The following ARSI variants were observed in gnomAD, a reference collection of about 807,000 sequenced individuals.
ARSI encodes arylsulfatase family member I.
Under a neutral mutation model 42.1 loss-of-function variants are expected in ARSI, and 37 were observed. That is an observed-to-expected ratio of 0.88 (90% CI 0.68 to 1.16). The LOEUF (loss-of-function observed/expected upper bound fraction) is 1.16. ARSI is among the 50% of genes most tolerant of loss of function. The pLI, the probability that ARSI is intolerant of heterozygous loss-of-function variation, is 0.00. For missense variants in ARSI, 725 were observed against 790.1 expected, an observed-to-expected ratio of 0.92 and a Z score of 0.99; for synonymous variants, 305 against 320.3, an observed-to-expected ratio of 0.95 and a Z score of 0.51.
At position 150,297,586 on chromosome 5, in the gene ARSI, C is replaced by A. The variant is rs570157787; in HGVS notation, c.1338G>T (p.Pro446=). The stretch of plus-strand genomic sequence containing the variant: ...TTCGTTCCAGGTTCCACCAGCTACC[C>A]GGGAAGGTGGCCAGTGTCTGCGGTG... ...WIPPQTLATF[P]GSWWNLERMA... is the part of the protein sequence containing the mutation. The change falls in exon 2 of 2, where the codon CCG becomes CCT. Residue 446 remains proline, a synonymous_variant. Coordinates refer to ENST00000328668, the MANE Select transcript of ARSI (RefSeq NM_001012301.4). The surrounding 1 kb of genome is among the most constrained non-coding windows in gnomAD (Gnocchi z 7.0). 1.2e-6 allele frequency: 2 copies of A among 1,610,056 alleles called. No homozygotes were observed. The highest frequency in any genetic ancestry group is 1.7e-6 in the Non-Finnish European group (2 of 1,178,536).
In ARSI at chr5:150,297,505, T is replaced by C. The variant is rs1171364166; in HGVS notation, c.1419A>G (p.Glu473=). The change falls in exon 2 of 2, where the codon GAA becomes GAG. Residue 473 remains glutamate, a synonymous_variant. Transcript: ENST00000328668. This position sits in a 1 kb window ranked among gnomAD's most constrained non-coding sequence, Gnocchi z 7.0. ...GCCGCTGGCCAGCCAGGTCCTCCCG[T>C]TCATAAGGGTCAGCACTGATGTTGA... is the stretch of plus-strand genomic sequence containing the variant. ...WLFNISADPY[E]REDLAGQRPD... 6.2e-7 allele frequency: 1 copy of C among 1,613,646 alleles called. No individual in the cohort carries two copies. The highest frequency in any genetic ancestry group is 8.5e-7 in the Non-Finnish European group (1 of 1,179,894).
chr5:150,300,499 A>G (rs1757900981), intron 1 of ARSI, among the ~76,000 whole-genome samples: 1 of 152,234 alleles, frequency 6.6e-6, no homozygotes, highest in African/African-American at 2.4e-5. Context: ...GCCGGTCTTC[A>G]TAGAGGTGGG....
chr5:150,297,845 C>T lies in ARSI; in HGVS notation c.1079G>A (p.Gly360Asp), dbSNP rs746808275. 1 of 1,610,722 alleles carries T rather than the reference C, an allele frequency of 6.2e-7. No homozygotes were observed. Among genetic ancestry groups the T allele is most frequent in the Non-Finnish European group, 8.5e-7 (1 of 1,178,660 alleles). Residue 360 changes from glycine (G) to aspartate (D), a missense_variant, in exon 2 of 2, where the codon GGT becomes GAT. Gly to Asp is a moderately conservative substitution (Grantham distance 94). Coordinates refer to ENST00000328668, the MANE Select transcript of ARSI (RefSeq NM_001012301.4). The surrounding 1 kb of genome is among the most constrained non-coding windows in gnomAD (Gnocchi z 7.0). The stretch of plus-strand genomic sequence containing the variant: ...TAGCCCATCGGCTGCTGAGGTGGTA[C>T]CACCTGCCAGACCCACCAGGGTCGG... ...WYPTLVGLAG[G>D]TTSAADGLDG...
rs1228806380 is a variant in ARSI at position 150,298,616 on chromosome 5, G to A, written c.312-4C>T. The A allele has an allele frequency of 6.3e-7, 1 of 1,597,784 alleles. No individual in the cohort carries two copies. Among genetic ancestry groups the A allele is most frequent in the Admixed American group, 1.7e-5 (1 of 59,392 alleles). ...GAGTCCTGTGTGGATCTGGTACCTGGTGGGGAGGAGGGGAAGGCACAGAAG... is the reference window on the plus strand; with the variant it reads ...GAGTCCTGTGTGGATCTGGTACCTGATGGGGAGGAGGGGAAGGCACAGAAG... On this transcript the variant is annotated splice_region_variant and splice_polypyrimidine_tract_variant and intron_variant, in intron 1 of 1. Coordinates refer to ENST00000328668, the MANE Select transcript of ARSI (RefSeq NM_001012301.4).
rs1757815994 is a variant in ARSI, at chr5:150,297,160, G to A, written c.*54C>T. 3 of 1,518,600 alleles carry A rather than the reference G, an allele frequency of 2.0e-6. No individual in the cohort carries two copies. The highest frequency in any genetic ancestry group is 2.6e-5 in the South Asian group (2 of 75,732). 94.1% of individuals were successfully genotyped at this position (1,518,600 alleles called of 1,614,324 possible). On this transcript the variant is annotated 3_prime_UTR_variant, in exon 2 of 2. Transcript: ENST00000328668. The surrounding 1 kb of genome is among the most constrained non-coding windows in gnomAD (Gnocchi z 7.0). ...AGGCTTCTCCCTGAGAAACAGCAGGGCCAAGCCGGAGTGGGGAAGATCCTC... is the reference window on the plus strand; with the variant it reads ...AGGCTTCTCCCTGAGAAACAGCAGGACCAAGCCGGAGTGGGGAAGATCCTC...
chr5:150,297,660 C>G lies in ARSI; in HGVS notation c.1264G>C (p.Gly422Arg). ...NTAVQAAIRV[G>R]EWKLLTGDPG... ...TCTCCTGTCAGCAGCTTCCACTCAC[C>G]CACGCGGATGGCAGCCTGCACGGCG... The change falls in exon 2 of 2, where the codon GGT becomes CGT. Residue 422 changes from glycine (G) to arginine (R), a missense_variant. By Grantham distance (125) the Gly-to-Arg change is moderately radical. Coordinates refer to ENST00000328668, the MANE Select transcript of ARSI (RefSeq NM_001012301.4). This position sits in a 1 kb window ranked among gnomAD's most constrained non-coding sequence, Gnocchi z 7.0. The G allele has an allele frequency of 1.2e-6, 2 of 1,613,324 alleles. No individual in the cohort carries two copies. The highest frequency in any genetic ancestry group is 1.7e-6 in the Non-Finnish European group (2 of 1,179,974).
chr5:150,299,586 C>G (rs374594135), intron 1 of ARSI, among the ~76,000 whole-genome samples: 1 of 151,316 alleles, frequency 6.6e-6, no homozygotes, highest in South Asian at 2.1e-4. Context: ...GACCTAAGGT[C>G]TTTTTAAGGG....
At chr5:150,300,781 T>C (rs2150321500) in intron 1 of ARSI, among the ~76,000 whole-genome samples, 1 of 152,342 alleles carries the variant, frequency 6.6e-6, no homozygotes, top group South Asian at 2.1e-4. Flanking sequence ...ATTCCGCTAC[T>C]TAAACCAAAA....
At chr5:150,299,930 C>T (rs1450122840) in intron 1 of ARSI, among the ~76,000 whole-genome samples, 1 of 152,104 alleles carries the variant, frequency 6.6e-6, no homozygotes, top group Non-Finnish European at 1.5e-5. Flanking sequence ...TCCCATCTTC[C>T]CCCTTCTGTG....
In ARSI at chr5:150,302,418, C is replaced by T; in HGVS notation, c.-45G>A. On this transcript the variant is annotated 5_prime_UTR_variant, in exon 1 of 2. Coordinates refer to ENST00000328668, the MANE Select transcript of ARSI (RefSeq NM_001012301.4). This position sits in a 1 kb window ranked among gnomAD's most constrained non-coding sequence, Gnocchi z 6.1. ...TCCCGGCGCGCCGGGCTCCTGGGGC[C>T]TCACCACCTCGCGCGCCCAGGGCGC... 6 of 1,362,966 alleles carry T rather than the reference C, an allele frequency of 4.4e-6. No individual in the cohort carries two copies. Among genetic ancestry groups the T allele is most frequent in the Non-Finnish European group, 4.7e-6 (5 of 1,055,882 alleles). The allele number at this position is 1,362,966 out of a possible 1,614,324, so 84.4% of individuals were successfully genotyped here. A position where few individuals can be genotyped will look rare whatever the true frequency, so the allele number is the denominator to read the frequency against.
rs746401123 is a variant in ARSI at position 150,302,277 on chromosome 5, C to A, written c.97G>T (p.Gly33Trp). ...GCCGAGGGCTGCTCGCCAGCCTCCC[C>A]GGGCCCGTCGGCCACGAAGCTCGGC... is the stretch of plus-strand genomic sequence containing the variant. ...AKPSFVADGPGEAGEQPSAAP... is the reference protein window; with the variant it reads ...AKPSFVADGPWEAGEQPSAAP... Residue 33 changes from glycine to tryptophan, a missense_variant, in exon 1 of 2, where the codon GGG becomes TGG. By Grantham distance (184) the Gly-to-Trp change is radical. Coordinates refer to ENST00000328668, the MANE Select transcript of ARSI (RefSeq NM_001012301.4). The surrounding 1 kb of genome is among the most constrained non-coding windows in gnomAD (Gnocchi z 6.1). 1.2e-6 allele frequency: 2 copies of A among 1,605,208 alleles called. No individual in the cohort carries two copies. The highest frequency in any genetic ancestry group is 1.1e-5 in the South Asian group (1 of 89,830).
rs746414803 is a variant in ARSI at position 150,297,964 on chromosome 5, T to C, written c.960A>G (p.Glu320=). 1.9e-6 allele frequency: 3 copies of C among 1,612,224 alleles called. No homozygotes were observed. The highest frequency in any genetic ancestry group is 2.5e-6 in the Non-Finnish European group (3 of 1,179,468). The change falls in exon 2 of 2, where the codon GAA becomes GAG. Residue 320 remains glutamate (E), a synonymous_variant. Coordinates refer to ENST00000328668, the MANE Select transcript of ARSI (RefSeq NM_001012301.4). The surrounding 1 kb of genome is among the most constrained non-coding windows in gnomAD (Gnocchi z 7.0). Reference sequence around the variant, plus strand: ...CAAAGCCTAGGCCCCGCACGCCACCTTCCCAATAAGTGCCCTTGCGTCCTC... The same window carrying C: ...CAAAGCCTAGGCCCCGCACGCCACCCTCCCAATAAGTGCCCTTGCGTCCTC... The part of the protein sequence containing the change: ...PLRGRKGTYW[E]GGVRGLGFVH...
intron 1 of ARSI, 70 bp downstream of exon 1, chr5:150,301,992 CA>C: frequency 6.9e-7 from 1 of 1,452,552 alleles, no homozygotes. Flanking sequence ...GTGGTACTGG[CA>C]GGAGAAATCT....
chr5:150,302,437 A>G lies in ARSI; in HGVS notation c.-64T>C. 1 of 1,274,076 alleles carries G rather than the reference A, an allele frequency of 7.8e-7. No homozygotes were observed. Among genetic ancestry groups the G allele is most frequent in the Non-Finnish European group, 1.0e-6 (1 of 983,856 alleles). 78.9% of individuals were successfully genotyped at this position (1,274,076 alleles called of 1,614,324 possible). A position where few individuals can be genotyped will look rare whatever the true frequency, so the allele number is the denominator to read the frequency against. On this transcript the variant is annotated 5_prime_UTR_variant, in exon 1 of 2. Transcript: ENST00000328668. This position sits in a 1 kb window ranked among gnomAD's most constrained non-coding sequence, Gnocchi z 6.1. ...TGGGGCCTCACCACCTCGCGCGCCC[A>G]GGGCGCACCACCGGCCCGCCGGCTC...
chr5:150,297,557 G>A lies in ARSI; in HGVS notation c.1367C>T (p.Ala456Val), dbSNP rs865945327. 1 of 1,612,208 alleles carries A rather than the reference G, an allele frequency of 6.2e-7. No homozygotes were observed. Among genetic ancestry groups the A allele is most frequent in the Non-Finnish European group, 8.5e-7 (1 of 1,179,512 alleles). The change falls in exon 2 of 2, where the codon GCC becomes GTC. Residue 456 changes from alanine to valine, a missense_variant. Physicochemically the swap from Ala to Val is moderately conservative, Grantham distance 64 (BLOSUM62 0). Transcript: ENST00000328668. The surrounding 1 kb of genome is among the most constrained non-coding windows in gnomAD (Gnocchi z 7.0). The stretch of plus-strand genomic sequence containing the variant: ...GAGCCACACGGCCTGGCGGACACTG[G>A]CCATTCGTTCCAGGTTCCACCAGCT... ...PGSWWNLERM[A>V]SVRQAVWLFN...
At position 150,297,926 on chromosome 5, in the gene ARSI, A is replaced by C. The variant is rs1313944295; in HGVS notation, c.998T>G (p.Leu333Arg). ...GCTTGTCCGTTGCTTTCGCTTGAGC[A>C]GGGGACTGTGGACAAAGCCTAGGCC... ...VRGLGFVHSP[L>R]LKRKQRTSRA... is the part of the protein sequence containing the mutation. Residue 333 changes from leucine to arginine, a missense_variant, in exon 2 of 2, where the codon CTG (leucine) becomes CGG (arginine). Coordinates refer to ENST00000328668, the MANE Select transcript of ARSI (RefSeq NM_001012301.4). This position sits in a 1 kb window ranked among gnomAD's most constrained non-coding sequence, Gnocchi z 7.0. 6.2e-7 allele frequency: 1 copy of C among 1,611,480 alleles called. No individual in the cohort carries two copies. Among genetic ancestry groups the C allele is most frequent in the Non-Finnish European group, 8.5e-7 (1 of 1,178,962 alleles).
chr5:150,297,959 C>T lies in ARSI; in HGVS notation c.965G>A (p.Gly322Asp). The T allele has an allele frequency of 6.2e-7, 1 of 1,611,834 alleles. No homozygotes were observed. Among genetic ancestry groups the T allele is most frequent in the Non-Finnish European group, 8.5e-7 (1 of 1,179,222 alleles). The part of the protein sequence containing the change: ...RGRKGTYWEG[G>D]VRGLGFVHSP... ...GTGGACAAAGCCTAGGCCCCGCACG[C>T]CACCTTCCCAATAAGTGCCCTTGCG... The change falls in exon 2 of 2, where the codon GGC (glycine) becomes GAC (aspartate). Residue 322 changes from glycine (G) to aspartate (D), a missense_variant. Physicochemically the swap from Gly to Asp is moderately conservative, Grantham distance 94 (BLOSUM62 -1). Transcript: ENST00000328668. This position sits in a 1 kb window ranked among gnomAD's most constrained non-coding sequence, Gnocchi z 7.0.
chr5:150,298,430 T>C lies in ARSI; in HGVS notation c.494A>G (p.Asp165Gly). Reference sequence around the variant, plus strand: ...GCCCGTGAGCGAGCCCAGGAAGGTGTCGAAGCCCCGACGGGTGGGCAGACA... The same window carrying C: ...GCCCGTGAGCGAGCCCAGGAAGGTGCCGAAGCCCCGACGGGTGGGCAGACA... ...KECLPTRRGF[D>G]TFLGSLTGNV... Residue 165 changes from aspartate to glycine, a missense_variant, in exon 2 of 2, where the codon GAC (aspartate) becomes GGC (glycine). Physicochemically the swap from Asp to Gly is moderately conservative, Grantham distance 94. Transcript: ENST00000328668. 1 of 1,614,144 alleles carries C rather than the reference T, an allele frequency of 6.2e-7. No homozygotes were observed. Among genetic ancestry groups the C allele is most frequent in the Non-Finnish European group, 8.5e-7 (1 of 1,180,024 alleles).
In ARSI at chr5:150,302,321, A is replaced by C. The variant is rs1182676872; in HGVS notation, c.53T>G (p.Leu18Arg). Residue 18 changes from leucine to arginine, a missense_variant, in exon 1 of 2, where the codon CTG (leucine) becomes CGG (arginine). Leu to Arg is a moderately radical substitution (Grantham distance 102). Coordinates refer to ENST00000328668, the MANE Select transcript of ARSI (RefSeq NM_001012301.4). The surrounding 1 kb of genome is among the most constrained non-coding windows in gnomAD (Gnocchi z 6.1). Reference protein sequence around the residue: ...SLVSLLSFGYLSWDWAKPSFV... With the variant: ...SLVSLLSFGYRSWDWAKPSFV... ...GCTCGGCTTGGCCCAGTCCCAGGAC[A>C]GGTAGCCGAAGCTGAGCAGGCTGAC... The C allele has an allele frequency of 6.3e-7, 1 of 1,583,208 alleles. No homozygotes were observed. Among genetic ancestry groups the C allele is most frequent in the African/African-American group, 1.3e-5 (1 of 74,160 alleles).
Sources: allele counts gnomAD v4.1 joint callset (sites outside exome capture counted in the v4.1 genomes callset), GRCh38; gene constraint gnomAD v4.1.1; non-coding constraint Gnocchi (gnomAD v3.1); transcripts MANE v1.5; gene names NCBI Gene and HGNC (gene_info 2026-07-23, HGNC 2026-07-21).